The following IGF1R variants were observed in gnomAD, a reference collection of about 807,000 sequenced individuals.
IGF1R encodes insulin like growth factor 1 receptor, also known as insulin-like growth factor 1 receptor.
A neutral mutation model predicts 144.6 loss-of-function variants in IGF1R; 44 were observed. The observed-to-expected ratio is 0.30, with a 90% CI of 0.24 to 0.39. The LOEUF (loss-of-function observed/expected upper bound fraction) is 0.39. IGF1R is among the 10% of genes least tolerant of loss of function. The probability of loss-of-function intolerance (pLI) is 1.00; values close to 1 mark genes in which losing one functional copy is unlikely to be tolerated. For missense variants in IGF1R, 1,355 were observed against 1,833.7 expected (o/e 0.74, Z 4.77); for synonymous variants, 795 against 722.8 (o/e 1.10, Z -1.60).
At chr15:98,876,568 T>G (rs765455021) in intron 2 of IGF1R, among the ~76,000 whole-genome samples, 2 of 152,144 alleles carry the variant, frequency 1.3e-5, no homozygotes, top group African/African-American at 2.4e-5. Flanking sequence ...CAAAATAAAA[T>G]ATGAGCCAAC....
At position 98,795,694 on chromosome 15, in the gene IGF1R, T is replaced by G. The variant is rs139148778; in HGVS notation, c.640+87587T>G. ...GCCTCCCAACGTGCTGGGATTACAGTCATGAGCCACTGCGCCTATTATGTG... is the reference window on the plus strand; with the variant it reads ...GCCTCCCAACGTGCTGGGATTACAGGCATGAGCCACTGCGCCTATTATGTG... On this transcript the variant is annotated intron_variant, in intron 2 of 20. Transcript: ENST00000650285. Among the ~76,000 whole-genome samples the G allele has an allele frequency of 3.6e-3, 544 of 152,302 alleles. 7 individuals are homozygous for G. The highest frequency in any genetic ancestry group is 0.012 in the African/African-American group (515 of 41,556).
rs575309485 is a variant in IGF1R, at chr15:98,808,660, G to A, written c.641-82665G>A. Reference sequence around the variant, plus strand: ...GGTCCTCGCAGGGACTCTAGGGCAGGTATGTTCTTGAAAGATTTTTTTTTT... The same window carrying A: ...GGTCCTCGCAGGGACTCTAGGGCAGATATGTTCTTGAAAGATTTTTTTTTT... On this transcript the variant is annotated intron_variant, in intron 2 of 20. Transcript: ENST00000650285. Among the ~76,000 whole-genome samples the A allele has an allele frequency of 1.3e-4, 19 of 143,968 alleles. 1 individual carries two copies. Among genetic ancestry groups the A allele is most frequent in the Admixed American group, 1.3e-3 (17 of 13,460 alleles). 94.4% of individuals were successfully genotyped at this position (143,968 alleles called of 152,430 possible). A position where few individuals can be genotyped will look rare whatever the true frequency, so the allele number is the denominator to read the frequency against.
At position 98,860,259 on chromosome 15, in the gene IGF1R, C is replaced by T. The variant is rs186555115; in HGVS notation, c.641-31066C>T. On this transcript the variant is annotated intron_variant, in intron 2 of 20. Transcript: ENST00000650285. The stretch of plus-strand genomic sequence containing the variant: ...ATATCCAAAAATAAGTCATGATTTT[C>T]GGAGTCAGTGCGCAGCACTTAGTAC... Among the ~76,000 whole-genome samples, 407 of 152,362 alleles carry T rather than the reference C, an allele frequency of 2.7e-3. 1 individual carries two copies. Among genetic ancestry groups the T allele is most frequent in the Non-Finnish European group, 4.3e-3 (295 of 68,038 alleles).
intron 1 of IGF1R, among the ~76,000 whole-genome samples, chr15:98,678,919 CTCTTTT>C: frequency 1.3e-5 from 1 of 78,420 alleles, no homozygotes; most frequent in Middle Eastern, 0.01. Flanking sequence ...TCCTCTGATG[CTCTTTT>C]TTTTTTTTTT....
intron 2 of IGF1R, among the ~76,000 whole-genome samples, chr15:98,810,032 A>G (rs979994900): frequency 6.6e-6 from 1 of 152,114 alleles, no homozygotes; most frequent in Non-Finnish European, 1.5e-5. Context: ...AAGGTGGGTC[A>G]TGGGAGCAAT....
rs565441489 is a variant in IGF1R at position 98,891,032 on chromosome 15, A to G, written c.641-293A>G. ...ATGTGGGTATTATCCCCCTCATTTT[A>G]CAGATGGGAAGAGAGAGGATCAAGA... On this transcript the variant is annotated intron_variant, in intron 2 of 20. Transcript: ENST00000650285. This position sits in a 1 kb window ranked among gnomAD's most constrained non-coding sequence, Gnocchi z 4.7. Among the ~76,000 whole-genome samples, 3 of 152,332 alleles carry G rather than the reference A, an allele frequency of 2.0e-5. No homozygotes were observed. The South Asian group carries it at 6.2e-4, about 32-fold the overall frequency.
At chr15:98,757,225 G>A (rs1026065983) in intron 2 of IGF1R, among the ~76,000 whole-genome samples, 3 of 151,902 alleles carry the variant, frequency 2.0e-5, no homozygotes, top group Non-Finnish European at 4.4e-5. Context: ...GTGCAGTGGC[G>A]TGATCTTGGC....
At chr15:98,825,258 TCCCAACAGATACCAAAATCTGGGACCAC>T (rs2056871920) in intron 2 of IGF1R, among the ~76,000 whole-genome samples, 1 of 152,202 alleles carries the variant, frequency 6.6e-6, no homozygotes, top group Admixed American at 6.5e-5. Context: ...AACTGGTACC[TCCCAACAGATACCAAAATCTGGGACCAC>T]CCCAACAGAT....
At chr15:98,792,796 G>C (rs1393898713) in intron 2 of IGF1R, among the ~76,000 whole-genome samples, 1 of 152,164 alleles carries the variant, frequency 6.6e-6, no homozygotes, top group South Asian at 2.1e-4. Flanking sequence ...CTGATACTCT[G>C]TGCCTACACA....
intron 20 of IGF1R, among the ~76,000 whole-genome samples, chr15:98,954,702 G>A (rs1035653283): frequency 3.2e-4 from 49 of 152,190 alleles, no homozygotes; most frequent in African/African-American, 1.2e-3. Flanking sequence ...GCCCAGTTAC[G>A]CTTCTGCCCA....
intron 5 of IGF1R, among the ~76,000 whole-genome samples, chr15:98,905,177 A>G (rs977056183): frequency 6.6e-6 from 1 of 152,204 alleles, no homozygotes; most frequent in Non-Finnish European, 1.5e-5. Context: ...AAATATCGAT[A>G]GAGATAACAT....
chr15:98,695,964 T>C (rs2053586229), intron 1 of IGF1R, among the ~76,000 whole-genome samples: 1 of 147,374 alleles, frequency 6.8e-6, no homozygotes, highest in South Asian at 2.1e-4. Context: ...TTTCAGGGTC[T>C]CTCCCCTGGC....
At chr15:98,846,763 A>T (rs2715434) in intron 2 of IGF1R, among the ~76,000 whole-genome samples, 6 of 152,060 alleles carry the variant, frequency 3.9e-5, no homozygotes, top group Non-Finnish European at 4.4e-5. Flanking sequence ...CCAGTGGACA[A>T]CTCCTGCATC....
In IGF1R at chr15:98,963,748, T is replaced by A. The variant is rs1239379279; in HGVS notation, c.*6306T>A. On this transcript the variant is annotated 3_prime_UTR_variant, in exon 21 of 21. Coordinates refer to ENST00000650285, the MANE Select transcript of IGF1R (RefSeq NM_000875.5). ...CTTTGTTAGAACACAGAAGAGACCCTATTTTATTTAAGGCAGAACCCCGAA... is the reference window on the plus strand; with the variant it reads ...CTTTGTTAGAACACAGAAGAGACCCAATTTTATTTAAGGCAGAACCCCGAA... The A allele has an allele frequency of 6.9e-5, 16 of 233,030 alleles. No homozygotes were observed. In the East Asian group the frequency reaches 9.0e-4, roughly 13 times the overall value. The allele number at this position is 233,030 out of a possible 1,614,324, so 14.4% of individuals were successfully genotyped here. A position where few individuals can be genotyped will look rare whatever the true frequency, so the allele number is the denominator to read the frequency against.
At chr15:98,821,839 G>A (rs1051861640) in intron 2 of IGF1R, among the ~76,000 whole-genome samples, 2 of 148,454 alleles carry the variant, frequency 1.3e-5, no homozygotes, top group East Asian at 2.0e-4. Context: ...GGCCTCAGAC[G>A]TGGAGAGACA....
At chr15:98,783,958 A>ATTTTTTTT (rs71149420) in intron 2 of IGF1R, among the ~76,000 whole-genome samples, 3 of 54,742 alleles carry the variant, frequency 5.5e-5, no homozygotes, top group African/African-American at 2.4e-4. Context: ...GGCATCTGAA[A>ATTTTTTTT]TTTTTTTTTT....
At chr15:98,733,371 C>T (rs577390112) in intron 2 of IGF1R, among the ~76,000 whole-genome samples, 1 of 152,200 alleles carries the variant, frequency 6.6e-6, no homozygotes, top group Non-Finnish European at 1.5e-5. Flanking sequence ...TAGGTGCATA[C>T]CCCCATGCCT....
intron 6 of IGF1R, among the ~76,000 whole-genome samples, chr15:98,910,705 G>T (rs1168770602): frequency 6.6e-6 from 1 of 152,236 alleles, no homozygotes; most frequent in African/African-American, 2.4e-5. Flanking sequence ...GCTTGGCCAA[G>T]TGAGATCTTC....
chr15:98,755,067 GATATAT>G (rs1008775491), intron 2 of IGF1R, among the ~76,000 whole-genome samples: 1 of 152,142 alleles, frequency 6.6e-6, no homozygotes, highest in Non-Finnish European at 1.5e-5. Context: ...TAAAATAAAA[GATATAT>G]ATAGAAAATT....
Sources: gnomAD v4.1 joint callset for allele counts (sites outside exome capture counted in the v4.1 genomes callset) on GRCh38, gnomAD v4.1.1 for gene constraint, Gnocchi (gnomAD v3.1) non-coding constraint, MANE v1.5 for transcripts, NCBI Gene and HGNC (gene_info 2026-07-23, HGNC 2026-07-21) for gene names.